The following CEP63 variants were observed in gnomAD, a reference collection of about 807,000 sequenced individuals.
The protein encoded by CEP63 is centrosomal protein 63.
A neutral mutation model predicts 89.1 loss-of-function variants in CEP63; 84 were observed. The ratio of observed to expected loss-of-function variants is 0.94; its 90% CI spans 0.79 to 1.13. CEP63 has a LOEUF of 1.13. Ranked by LOEUF, CEP63 falls within the 50% of genes most tolerant of loss-of-function variation. CEP63 has a pLI of 0.00. For missense variants in CEP63, 838 were observed against 813.3 expected (o/e 1.03, Z -0.37); for synonymous variants, 267 against 272.5 (o/e 0.98, Z 0.20).
the CEP63 span, among the ~76,000 whole-genome samples, chr3:134,751,353 C>T: frequency 6.6e-6 from 1 of 152,150 alleles, no homozygotes; most frequent in Non-Finnish European, 1.5e-5. Context: ...GATTTGAGTA[C>T]CTATTTTCAA....
chr3:134,548,906 T>A (rs979604378), intron 9 of CEP63, among the ~76,000 whole-genome samples, 156 bp from the exon 10 acceptor site: 2 of 152,226 alleles, frequency 1.3e-5, no homozygotes, highest in Non-Finnish European at 2.9e-5. Context: ...ACAGTTTTTT[T>A]ATTGATTGGC....
chr3:134,671,799 A>G, the CEP63 span, among the ~76,000 whole-genome samples: 9 of 152,144 alleles, frequency 5.9e-5, no homozygotes, highest in Non-Finnish European at 1.0e-4. Flanking sequence ...AAAGGGTTTG[A>G]GCCCTTGCCC....
Position 134,531,766 on chromosome 3 carries a change from GATT to G in CEP63, c.223-75_223-73del, listed in dbSNP as rs1313188185. The G allele has an allele frequency of 3.8e-6, 4 of 1,055,808 alleles. No individual in the cohort carries two copies. In the Admixed American group the frequency reaches 5.2e-5, roughly 14 times the overall value. The allele number at this position is 1,055,808 out of a possible 1,614,324, so 65.4% of individuals were successfully genotyped here. ...ACTTGAATTTACAAATAAATACAGA[GATT>G]ATTTTCTATTTTTATATCTCAGGGA... On this transcript the variant is annotated intron_variant, in intron 3 of 14. Transcript: ENST00000675561.
intron 9 of CEP63, 65 bp downstream of exon 9, chr3:134,547,537 T>A: frequency 7.6e-7 from 1 of 1,314,382 alleles, no homozygotes; most frequent in Admixed American, 1.7e-5. Flanking sequence ...ATCATCATAT[T>A]GTAAATGAAT....
At chr3:134,692,603 A>G in the CEP63 span, among the ~76,000 whole-genome samples, 1 of 152,334 alleles carries the variant, frequency 6.6e-6, no homozygotes, top group East Asian at 1.9e-4. Flanking sequence ...TAGGCAAATA[A>G]TACCTTAGTT....
chr3:134,588,506 A>G (rs563605470), downstream of CEP63, among the ~76,000 whole-genome samples: 17 of 152,320 alleles, frequency 1.1e-4, no homozygotes, highest in African/African-American at 4.1e-4. Flanking sequence ...ATAAATCACA[A>G]TTGAAAGTAG....
chr3:134,703,906 G>A, the CEP63 span, among the ~76,000 whole-genome samples: 4 of 152,204 alleles, frequency 2.6e-5, no homozygotes, highest in South Asian at 6.2e-4. Context: ...CTTGAATGCT[G>A]AAGTCTCTCT....
the CEP63 span, among the ~76,000 whole-genome samples, chr3:134,595,685 C>G: frequency 6.6e-6 from 1 of 152,176 alleles, no homozygotes; most frequent in African/African-American, 2.4e-5. Flanking sequence ...TTGGTGGGCC[C>G]TGTCTAGGTG....
In CEP63 at chr3:134,540,456, A is replaced by G. The variant is rs577573950; in HGVS notation, c.555+3188A>G. Among the ~76,000 whole-genome samples the G allele has an allele frequency of 2.0e-5, 3 of 152,290 alleles. No homozygotes were observed. The South Asian group carries it at 6.2e-4, about 32-fold the overall frequency. On this transcript the variant is annotated intron_variant, in intron 6 of 14. Transcript: ENST00000675561. ...GCCCTAGAATTGGATTTACTGTATC[A>G]GAGTACCTTCAAATATTTTAATATA... is the stretch of plus-strand genomic sequence containing the variant.
chr3:134,763,820 A>G, the CEP63 span, among the ~76,000 whole-genome samples: 1 of 152,188 alleles, frequency 6.6e-6, no homozygotes, highest in African/African-American at 2.4e-5. Flanking sequence ...GATTCAGTGA[A>G]TGCTCTTCAG....
At chr3:134,657,183 A>G in the CEP63 span, among the ~76,000 whole-genome samples, 2 of 152,210 alleles carry the variant, frequency 1.3e-5, no homozygotes, top group African/African-American at 4.8e-5. Flanking sequence ...GCGAAAGGCA[A>G]TGAGGAAGAA....
intron 10 of CEP63, among the ~76,000 whole-genome samples, chr3:134,581,014 G>A (rs1560078993): frequency 7.8e-5 from 2 of 25,530 alleles, no homozygotes; most frequent in East Asian, 4.5e-3. Flanking sequence ...GATGTGGTAT[G>A]AGAAGGACTC....
the CEP63 span, among the ~76,000 whole-genome samples, chr3:134,666,640 C>T: frequency 6.6e-6 from 1 of 152,108 alleles, no homozygotes; most frequent in Non-Finnish European, 1.5e-5. Context: ...TTCATCAACC[C>T]CTGGAAGGGC....
downstream of CEP63, among the ~76,000 whole-genome samples, chr3:134,568,938 C>T (rs1053512430): frequency 1.6e-4 from 24 of 152,216 alleles, no homozygotes; most frequent in African/African-American, 5.8e-4. Flanking sequence ...TGAAACCTCA[C>T]AATCATGGCG....
chr3:134,522,865 C>G lies in CEP63; in HGVS notation c.223-8980C>G, dbSNP rs182269071. ...TGTGAATAGTGCTGCGGTGAACTTA[C>G]GTGTGTATGTGTCTTTCTGATGGAA... On this transcript the variant is annotated intron_variant, in intron 3 of 14. Coordinates refer to ENST00000675561, the MANE Select transcript of CEP63 (RefSeq NM_001353108.3). 4.0e-3 allele frequency among the ~76,000 whole-genome samples: 605 copies of G among 152,166 alleles called. 1 individual carries two copies. The highest frequency in any genetic ancestry group is 7.3e-3 in the Non-Finnish European group (493 of 67,986).
chr3:134,555,678 C>T (rs997300597), intron 12 of CEP63, among the ~76,000 whole-genome samples: 3 of 152,166 alleles, frequency 2.0e-5, no homozygotes, highest in African/African-American at 4.8e-5. Context: ...GAATCAATAT[C>T]GTGAAAATGG....
intron 3 of CEP63, among the ~76,000 whole-genome samples, chr3:134,522,226 A>ATT (rs1947614010): frequency 6.6e-6 from 1 of 152,168 alleles, no homozygotes; most frequent in Non-Finnish European, 1.5e-5. Context: ...TTAGTGATGG[A>ATT]TGAAAAGACT....
the CEP63 span, among the ~76,000 whole-genome samples, chr3:134,760,339 C>G: frequency 8.7e-3 from 1,320 of 152,132 alleles, 24 homozygotes; most frequent in African/African-American, 0.029. Flanking sequence ...GATTACAGGC[C>G]TGAGCCACCG....
chr3:134,518,385 C>G (rs746064961), intron 3 of CEP63, among the ~76,000 whole-genome samples: 10 of 152,114 alleles, frequency 6.6e-5, no homozygotes, highest in Non-Finnish European at 1.2e-4. Flanking sequence ...GGACCATTTA[C>G]CACTACTGCC....
Sources: allele counts gnomAD v4.1 joint callset (sites outside exome capture counted in the v4.1 genomes callset), GRCh38; gene constraint gnomAD v4.1.1; transcripts MANE v1.5; gene names NCBI Gene and HGNC (gene_info 2026-07-23, HGNC 2026-07-21).